The following SPAG16 variants were observed in gnomAD, a reference collection of about 807,000 sequenced individuals.
SPAG16 encodes the protein sperm-associated antigen 16 protein.
A neutral mutation model predicts 80.4 loss-of-function variants in SPAG16; 86 were observed. The observed-to-expected ratio is 1.07, with a 90% CI of 0.90 to 1.28. SPAG16 has a LOEUF of 1.28. Among genes scored for constraint, SPAG16 ranks in the 50% most tolerant of loss-of-function variants. SPAG16 has a pLI of 0.00. For missense variants in SPAG16, 870 were observed against 765.3 expected (o/e 1.14, Z -1.61); for synonymous variants, 294 against 265.9 (o/e 1.11, Z -1.03).
chr2:213,623,579 A>C (rs2125060076), intron 10 of SPAG16, among the ~76,000 whole-genome samples: 1 of 152,246 alleles, frequency 6.6e-6, no homozygotes, highest in African/African-American at 2.4e-5. Flanking sequence ...CTGGTTCTCT[A>C]TTTTTAATGG....
At chr2:214,360,563 TA>T (rs1699120167) in intron 15 of SPAG16, among the ~76,000 whole-genome samples, 1 of 151,888 alleles carries the variant, frequency 6.6e-6, no homozygotes, top group Non-Finnish European at 1.5e-5. Context: ...CCATTTATCC[TA>T]AAAGTTTATC....
chr2:213,752,070 AC>A (rs2068101475), intron 10 of SPAG16, among the ~76,000 whole-genome samples: 1 of 152,188 alleles, frequency 6.6e-6, no homozygotes, highest in African/African-American at 2.4e-5. Context: ...GTAGCTAGAA[AC>A]AATTGCTTTT....
intron 10 of SPAG16, among the ~76,000 whole-genome samples, chr2:213,523,462 G>A (rs2075765564): frequency 6.6e-6 from 1 of 152,156 alleles, no homozygotes; most frequent in African/African-American, 2.4e-5. Flanking sequence ...CTGCTATAAA[G>A]ATACCCAAAA....
Position 213,329,778 on chromosome 2 carries a change from G to A in SPAG16, c.537-10385G>A, listed in dbSNP as rs377676421. ...TCCAGGGCATGTCAGAGACCTTTGC[G>A]ACAACCCCTGCCATCACAAGCCCAG... On this transcript the variant is annotated intron_variant, in intron 5 of 15. Transcript: ENST00000331683. 1.4e-4 allele frequency among the ~76,000 whole-genome samples: 21 copies of A among 152,190 alleles called. No homozygotes were observed. In the East Asian group the frequency reaches 1.9e-3, roughly 14 times the overall value.
chr2:214,007,432 C>CAA (rs541194852), intron 12 of SPAG16, among the ~76,000 whole-genome samples: 1 of 133,424 alleles, frequency 7.5e-6, no homozygotes, highest in South Asian at 2.4e-4. Flanking sequence ...TCTATCTCTA[C>CAA]AAAAAAAAAA....
intron 13 of SPAG16, among the ~76,000 whole-genome samples, chr2:214,051,643 C>G (rs1031677461): frequency 3.3e-5 from 5 of 152,182 alleles, no homozygotes; most frequent in African/African-American, 1.2e-4. Flanking sequence ...TGTAAAATCT[C>G]AAGACACAAC....
intron 13 of SPAG16, among the ~76,000 whole-genome samples, chr2:214,035,218 G>A (rs1344720750): frequency 6.6e-6 from 1 of 152,038 alleles, no homozygotes; most frequent in Non-Finnish European, 1.5e-5. Context: ...GGGAGGAAGT[G>A]CACACTGATT....
chr2:214,316,490 C>T (rs763254028), intron 15 of SPAG16, among the ~76,000 whole-genome samples: 2 of 152,164 alleles, frequency 1.3e-5, no homozygotes, highest in Admixed American at 6.6e-5. Flanking sequence ...TTACTGTTGC[C>T]TGCAACGTTG....
intron 5 of SPAG16, among the ~76,000 whole-genome samples, chr2:213,321,369 G>A (rs1315325328): frequency 6.6e-6 from 1 of 151,856 alleles, no homozygotes; most frequent in Non-Finnish European, 1.5e-5. Context: ...ATTACTCCCA[G>A]TTTTCTTATT....
chr2:213,929,384 G>A (rs1368214598), intron 11 of SPAG16, among the ~76,000 whole-genome samples: 1 of 152,030 alleles, frequency 6.6e-6, no homozygotes, highest in Non-Finnish European at 1.5e-5. Context: ...AAGATCTACT[G>A]ATTACCGAAA....
At chr2:213,849,535 A>T (rs1320941319) in intron 10 of SPAG16, among the ~76,000 whole-genome samples, 1 of 152,240 alleles carries the variant, frequency 6.6e-6, no homozygotes, top group Non-Finnish European at 1.5e-5. Context: ...GTCATTATTT[A>T]TATGTCATTA....
At chr2:213,991,575 C>T (rs764409681) in intron 12 of SPAG16, among the ~76,000 whole-genome samples, 8 of 152,054 alleles carry the variant, frequency 5.3e-5, no homozygotes, top group Non-Finnish European at 1.2e-4. Context: ...GCTCCTGGAC[C>T]CCCGCACTTG....
intron 10 of SPAG16, among the ~76,000 whole-genome samples, chr2:213,728,549 T>C (rs2066876810): frequency 6.6e-6 from 1 of 152,126 alleles, no homozygotes; most frequent in Non-Finnish European, 1.5e-5. Context: ...AGAAACAGAA[T>C]GCTACTTAGG....
At chr2:213,926,686 T>A (rs1432384417) in intron 11 of SPAG16, among the ~76,000 whole-genome samples, 1 of 152,178 alleles carries the variant, frequency 6.6e-6, no homozygotes, top group Non-Finnish European at 1.5e-5. Context: ...TTATTGTAGC[T>A]GTTATTTCCT....
chr2:213,826,930 A>C (rs2073339122), intron 10 of SPAG16, among the ~76,000 whole-genome samples: 1 of 151,844 alleles, frequency 6.6e-6, no homozygotes, highest in African/African-American at 2.4e-5. Context: ...TTGGGTGCAT[A>C]TATATCATCA....
chr2:213,839,411 CA>C (rs746018736), intron 10 of SPAG16, among the ~76,000 whole-genome samples: 173 of 152,048 alleles, frequency 1.1e-3, no homozygotes, highest in Non-Finnish European at 2.0e-3. Context: ...CCATCTCTTC[CA>C]AAAATACCAT....
rs2078694464 is a variant in SPAG16, at chr2:213,930,294, A to G, written c.1400+149A>G. On this transcript the variant is annotated intron_variant, in intron 12 of 15. Coordinates refer to ENST00000331683, the MANE Select transcript of SPAG16 (RefSeq NM_024532.5). ...TGATAAGATTATAGAGAGCTACTTA[A>G]ATAATCTTTGTGAAATCCATTTCTA... is the stretch of plus-strand genomic sequence containing the variant. 8.0e-6 allele frequency: 4 copies of G among 498,526 alleles called. No homozygotes were observed. The South Asian group carries it at 2.1e-4, about 26-fold the overall frequency. 30.9% of individuals were successfully genotyped at this position (498,526 alleles called of 1,614,324 possible). A position where few individuals can be genotyped will look rare whatever the true frequency, so the allele number is the denominator to read the frequency against.
At chr2:213,433,190 T>A (rs953591632) in intron 9 of SPAG16, among the ~76,000 whole-genome samples, 3 of 152,094 alleles carry the variant, frequency 2.0e-5, no homozygotes, top group African/African-American at 7.2e-5. Context: ...CTCTAAGAAC[T>A]AGAACAAGAC....
intron 14 of SPAG16, among the ~76,000 whole-genome samples, chr2:214,135,818 A>G (rs2125515691): frequency 6.6e-6 from 1 of 152,100 alleles, no homozygotes; most frequent in Non-Finnish European, 1.5e-5. Context: ...TGCCATGAAA[A>G]GAAGCAGCCT....
Sources: allele counts gnomAD v4.1 joint callset (sites outside exome capture counted in the v4.1 genomes callset), GRCh38; gene constraint gnomAD v4.1.1; transcripts MANE v1.5; gene names NCBI Gene and HGNC (gene_info 2026-07-23, HGNC 2026-07-21).